TMEM19: variants seen among roughly 807,000 people sequenced by gnomAD.
The protein encoded by TMEM19 is transmembrane protein 19.
TMEM19 carries 21 observed loss-of-function variants against 33.6 expected under a neutral mutation model. That is an observed-to-expected ratio of 0.62 (90% CI 0.44 to 0.90). TMEM19 has a LOEUF of 0.90. Ranked by LOEUF, TMEM19 falls within the 40% of genes least tolerant of loss-of-function variation. The pLI is 0.00. For missense variants in TMEM19, 402 were observed against 401.8 expected (o/e 1.00, Z 0.00); for synonymous variants, 149 against 147.5 (o/e 1.01, Z -0.07).
At chr12:71,696,620 C>CA in intron 3 of TMEM19, 47 bp downstream of exon 3, 1 of 1,474,720 alleles carries the variant, frequency 6.8e-7, no homozygotes, top group Non-Finnish European at 9.1e-7. Flanking sequence ...TTCATTTAAT[C>CA]CTAACATAAG....
At chr12:71,689,737 AC>A in intron 2 of TMEM19, 33 bp downstream of exon 2, 1 of 1,414,982 alleles carries the variant, frequency 7.1e-7, no homozygotes, top group South Asian at 1.2e-5. Context: ...TACAGTAACT[AC>A]TAAGTGCTTG....
At chr12:71,697,206 A>G in intron 3 of TMEM19, 74 bp from the exon 4 acceptor site, 1 of 1,514,252 alleles carries the variant, frequency 6.6e-7, no homozygotes, top group Non-Finnish European at 8.8e-7. Context: ...TTTAAAACAT[A>G]AACACCTATA....
intron 5 of TMEM19, among the ~76,000 whole-genome samples, chr12:71,700,041 G>T (rs959739381): frequency 8.6e-5 from 13 of 152,016 alleles, no homozygotes; most frequent in African/African-American, 3.1e-4. Context: ...GCTAGAGAAG[G>T]GTTCTCTCAG....
rs993775482 is a variant in TMEM19, at chr12:71,689,468, A to G, written c.131-123A>G. 6.8e-6 allele frequency: 5 copies of G among 731,962 alleles called. No individual in the cohort carries two copies. The Admixed American group carries it at 1.1e-4, about 16-fold the overall frequency. 45.3% of individuals were successfully genotyped at this position (731,962 alleles called of 1,614,324 possible). A position where few individuals can be genotyped will look rare whatever the true frequency, so the allele number is the denominator to read the frequency against. ...TGCATGACTATATATTTCTTTGGTG[A>G]CTTCATCTTGGTGTTTGTACTTATG... On this transcript the variant is annotated intron_variant, in intron 1 of 5. Coordinates refer to ENST00000266673, the MANE Select transcript of TMEM19 (RefSeq NM_018279.4).
rs932648515 is a variant in TMEM19, at chr12:71,693,110, G to A, written c.245-3326G>A. ...CTTGGGAGGCTGAGGCAGGAGAACC[G>A]CTTGAACCCAGGAGGCAGAGGCTGC... On this transcript the variant is annotated intron_variant, in intron 2 of 5. Coordinates refer to ENST00000266673, the MANE Select transcript of TMEM19 (RefSeq NM_018279.4). Among the ~76,000 whole-genome samples the A allele has an allele frequency of 1.1e-4, 16 of 152,020 alleles. No homozygotes were observed. The East Asian group carries it at 1.6e-3, about 15-fold the overall frequency.
chr12:71,686,930 A>G, intron 1 of TMEM19, 120 bp downstream of exon 1: 1 of 977,446 alleles, frequency 1.0e-6, no homozygotes, highest in Non-Finnish European at 1.5e-6. Flanking sequence ...TGTTTACTTA[A>G]CTTCCATAGC....
intron 2 of TMEM19, among the ~76,000 whole-genome samples, chr12:71,695,853 G>A (rs933427820): frequency 2.0e-5 from 3 of 152,154 alleles, no homozygotes; most frequent in Admixed American, 6.5e-5. Context: ...CAGAGCTGAA[G>A]CACTTTGTTA....
In TMEM19 at chr12:71,699,153, G is replaced by C; in HGVS notation, c.847+44G>C. 1.9e-6 allele frequency: 3 copies of C among 1,597,898 alleles called. No homozygotes were observed. The South Asian group carries it at 3.3e-5, about 18-fold the overall frequency. ...TCTTGCAACTTATTGGTATGTTAAA[G>C]AAATAGGGAAAAGAAAGAAAAAAAT... On this transcript the variant is annotated intron_variant, in intron 5 of 5. Transcript: ENST00000266673.
At position 71,703,213 on chromosome 12, in the gene TMEM19, A is replaced by T. The variant is rs1440830799; in HGVS notation, c.*2218A>T. 2 of 126,382 alleles carry T rather than the reference A, an allele frequency of 1.6e-5. No homozygotes were observed. The highest frequency in any genetic ancestry group is 6.6e-5 in the African/African-American group (2 of 30,130). 7.8% of individuals were successfully genotyped at this position (126,382 alleles called of 1,614,324 possible). A position where few individuals can be genotyped will look rare whatever the true frequency, so the allele number is the denominator to read the frequency against. Reference sequence around the variant, plus strand: ...AAAAAAAAAAAAAAAAAAAAAAAAAAAAAAAAAAAAAAAGAATATTCTAAG... The same window carrying T: ...AAAAAAAAAAAAAAAAAAAAAAAAATAAAAAAAAAAAAAGAATATTCTAAG... On this transcript the variant is annotated 3_prime_UTR_variant, in exon 6 of 6. Transcript: ENST00000266673.
rs1406904384 is a variant in TMEM19 at position 71,704,430 on chromosome 12, A to G, written c.*3435A>G. The G allele has an allele frequency of 6.5e-6, 1 of 153,374 alleles. No individual in the cohort carries two copies. Among genetic ancestry groups the G allele is most frequent in the Admixed American group, 6.5e-5 (1 of 15,428 alleles). 9.5% of individuals were successfully genotyped at this position (153,374 alleles called of 1,614,324 possible). A position where few individuals can be genotyped will look rare whatever the true frequency, so the allele number is the denominator to read the frequency against. ...CTGCTGCCTGTTAGGCACAGTGGGTATACTAGGGCCCAATCATCTGATCTT... is the reference window on the plus strand; with the variant it reads ...CTGCTGCCTGTTAGGCACAGTGGGTGTACTAGGGCCCAATCATCTGATCTT... On this transcript the variant is annotated 3_prime_UTR_variant, in exon 6 of 6. Coordinates refer to ENST00000266673, the MANE Select transcript of TMEM19 (RefSeq NM_018279.4).
At position 71,700,919 on chromosome 12, in the gene TMEM19, C is replaced by T. The variant is rs745351843; in HGVS notation, c.935C>T (p.Ala312Val). The change falls in exon 6 of 6, where the codon GCA (alanine) becomes GTA (valine). Residue 312 changes from alanine to valine, a missense_variant. Physicochemically the swap from Ala to Val is moderately conservative, Grantham distance 64. Transcript: ENST00000266673. ...GGGAAACCCATTCTTGATAACAACGCAGTGAATCTGTTTTCTTCTGTTCTT... is the reference window on the plus strand; with the variant it reads ...GGGAAACCCATTCTTGATAACAACGTAGTGAATCTGTTTTCTTCTGTTCTT... ...IAGKPILDNN[A>V]VNLFSSVLIA... 7 of 1,613,750 alleles carry T rather than the reference C, an allele frequency of 4.3e-6. No individual in the cohort carries two copies. Among genetic ancestry groups the T allele is most frequent in the African/African-American group, 1.3e-5 (1 of 74,898 alleles).
chr12:71,686,741 A>G lies in TMEM19; in HGVS notation c.61A>G (p.Ile21Val), dbSNP rs1204391664. Residue 21 changes from isoleucine (I) to valine (V), a missense_variant, in exon 1 of 6, where the codon ATA (isoleucine) becomes GTA (valine). Transcript: ENST00000266673. ...TATAAAGATGATAACTAATATAGTTATACTGAGCCTGATCATTTGCATTTC... is the reference window on the plus strand; with the variant it reads ...TATAAAGATGATAACTAATATAGTTGTACTGAGCCTGATCATTTGCATTTC... ...RYIKMITNIVILSLIICISLA... is the reference protein window; with the variant it reads ...RYIKMITNIVVLSLIICISLA... The G allele has an allele frequency of 6.2e-7, 1 of 1,612,980 alleles. No individual in the cohort carries two copies.
rs911539554 is a variant in TMEM19 at position 71,697,641 on chromosome 12, C to G, written c.637+107C>G. ...CCTCTTGATGTAATGTATTTTAGAG[C>G]CTTTTAAGAACTTTATTTAGTCTCT... On this transcript the variant is annotated intron_variant, in intron 4 of 5. Transcript: ENST00000266673. The G allele has an allele frequency of 2.9e-6, 4 of 1,378,144 alleles. No homozygotes were observed. In the African/African-American group the frequency reaches 6.1e-5, roughly 21 times the overall value. 85.4% of individuals were successfully genotyped at this position (1,378,144 alleles called of 1,614,324 possible).
At position 71,686,542 on chromosome 12, in the gene TMEM19, A is replaced by AT. The variant is rs1417285137; in HGVS notation, c.-134dup. On this transcript the variant is annotated 5_prime_UTR_variant, in exon 1 of 6. An upstream open reading frame in the 5' UTR gains an earlier in-frame stop. Transcript: ENST00000266673. ...TCCGGAAGGAGTTTGAATTTTTGTG[A>AT]TTTTTATGCTTGTTTGGTCGGTGGA... 1.0e-6 allele frequency: 1 copy of AT among 990,106 alleles called. No homozygotes were observed. Among genetic ancestry groups the AT allele is most frequent in the Non-Finnish European group, 1.5e-6 (1 of 687,654 alleles). The allele number at this position is 990,106 out of a possible 1,614,324, so 61.3% of individuals were successfully genotyped here.
At chr12:71,696,879 C>A (rs1338498364) in intron 3 of TMEM19, among the ~76,000 whole-genome samples, 1 of 152,090 alleles carries the variant, frequency 6.6e-6, no homozygotes, top group Non-Finnish European at 1.5e-5. Context: ...AATCTCCTGA[C>A]CTCGTGATCC....
chr12:71,689,763 A>G, intron 2 of TMEM19, 59 bp downstream of exon 2: 1 of 1,197,610 alleles, frequency 8.3e-7, no homozygotes, highest in East Asian at 2.4e-5. Context: ...TATAATTTAA[A>G]TTTATGTTTT....
In TMEM19 at chr12:71,697,528, C is replaced by G; in HGVS notation, c.631C>G (p.Pro211Ala). The G allele has an allele frequency of 6.4e-7, 1 of 1,571,032 alleles. No homozygotes were observed. Among genetic ancestry groups the G allele is most frequent in the Non-Finnish European group, 8.6e-7 (1 of 1,166,396 alleles). Residue 211 changes from proline to alanine, a missense_variant, in exon 4 of 6, where the codon CCA becomes GCA. Physicochemically the swap from Pro to Ala is conservative, Grantham distance 27. Transcript: ENST00000266673. ...PRLITTWEKV[P>A]VGTNGGVTVV... ...ACTGATAACAACCTGGGAGAAAGTTCCAGTTGGTGAGTTTTTTCTTCTTTT... is the reference window on the plus strand; with the variant it reads ...ACTGATAACAACCTGGGAGAAAGTTGCAGTTGGTGAGTTTTTTCTTCTTTT...
intron 2 of TMEM19, among the ~76,000 whole-genome samples, chr12:71,695,885 T>G (rs1302310662): frequency 1.3e-5 from 2 of 152,232 alleles, no homozygotes; most frequent in Non-Finnish European, 2.9e-5. Context: ...TTATATCAAG[T>G]TACCCTGTTT....
Position 71,697,279 on chromosome 12 carries a change from G to A in TMEM19, c.383-1G>A. 1 of 1,577,930 alleles carries A rather than the reference G, an allele frequency of 6.3e-7. No homozygotes were observed. Among genetic ancestry groups the A allele is most frequent in the Non-Finnish European group, 8.6e-7 (1 of 1,167,532 alleles). On this transcript the variant is annotated splice_acceptor_variant, in intron 3 of 5. Coordinates refer to ENST00000266673, the MANE Select transcript of TMEM19 (RefSeq NM_018279.4). LOFTEE classifies it high-confidence loss of function. ...TGTCCTTTTCATCTGTTTGTTTCCA[G>A]GTGGGCAAAGGAATTGGGTTCAGGT...
Sources: gnomAD v4.1 joint callset for allele counts (sites outside exome capture counted in the v4.1 genomes callset) on GRCh38, gnomAD v4.1.1 for gene constraint, MANE v1.5 for transcripts, NCBI Gene and HGNC (gene_info 2026-07-23, HGNC 2026-07-21) for gene names.